CDH18: variants seen among roughly 807,000 people sequenced by gnomAD.
The protein encoded by CDH18 is cadherin-18.
CDH18 carries 31 observed loss-of-function variants against 67.9 expected under a neutral mutation model. The ratio of observed to expected loss-of-function variants is 0.46; its 90% CI spans 0.34 to 0.62. The LOEUF (loss-of-function observed/expected upper bound fraction) is 0.62. CDH18 is among the 20% of genes least tolerant of loss of function. The pLI, the probability that CDH18 is intolerant of heterozygous loss-of-function variation, is 0.01. For synonymous variants in CDH18, 362 were observed against 347.2 expected (o/e 1.04, Z -0.48); for missense variants, 890 against 975.5 (o/e 0.91, Z 1.17).
At chr5:20,177,154 G>A (rs918256519) in intron 2 of CDH18, among the ~76,000 whole-genome samples, 3 of 152,076 alleles carry the variant, frequency 2.0e-5, no homozygotes, top group African/African-American at 7.2e-5. Flanking sequence ...AATTTAACAT[G>A]AGGTTGTTTT....
intron 2 of CDH18, among the ~76,000 whole-genome samples, chr5:19,920,006 T>C (rs1354931109): frequency 1.3e-5 from 2 of 152,154 alleles, no homozygotes; most frequent in Non-Finnish European, 2.9e-5. Context: ...GCCTAATAAA[T>C]TGCAAAATCT....
chr5:20,492,024 T>G (rs2126390606), intron 1 of CDH18, among the ~76,000 whole-genome samples: 1 of 152,274 alleles, frequency 6.6e-6, no homozygotes, highest in Admixed American at 6.5e-5. Flanking sequence ...ATTATTTTCA[T>G]CTTACTTACA....
chr5:20,285,450 G>A (rs927856672), intron 1 of CDH18, among the ~76,000 whole-genome samples: 7 of 147,190 alleles, frequency 4.8e-5, no homozygotes, highest in African/African-American at 1.7e-4. Flanking sequence ...TAATAATAAG[G>A]CCATATAATA....
rs184788572 is a variant in CDH18 at position 20,047,775 on chromosome 5, C to A, written c.-517-55761G>T. Among the ~76,000 whole-genome samples, 404 of 151,790 alleles carry A rather than the reference C, an allele frequency of 2.7e-3. 1 individual carries two copies. Among genetic ancestry groups the A allele is most frequent in the African/African-American group, 9.2e-3 (383 of 41,510 alleles). Reference sequence around the variant, plus strand: ...GTGAAAAGTCCTGTTTCCACGTATACTTCTAATTGGATTTAAACTGCTTCC... The same window carrying A: ...GTGAAAAGTCCTGTTTCCACGTATAATTCTAATTGGATTTAAACTGCTTCC... On this transcript the variant is annotated intron_variant, in intron 2 of 14. Transcript: ENST00000507958.
intron 3 of CDH18, among the ~76,000 whole-genome samples, chr5:19,824,248 G>A (rs1451508338): frequency 1.3e-5 from 2 of 152,136 alleles, no homozygotes; most frequent in Non-Finnish European, 2.9e-5. Flanking sequence ...ACAGGCTAGT[G>A]AATACTGACC....
At chr5:19,817,110 T>C (rs977632636) in intron 3 of CDH18, among the ~76,000 whole-genome samples, 1 of 151,844 alleles carries the variant, frequency 6.6e-6, no homozygotes, top group Non-Finnish European at 1.5e-5. Flanking sequence ...CTCCTCAAAA[T>C]TGGAAAACAT....
intron 7 of CDH18, among the ~76,000 whole-genome samples, chr5:19,573,074 C>T (rs1331603549): frequency 6.6e-6 from 1 of 151,784 alleles, no homozygotes; most frequent in African/African-American, 2.4e-5. Context: ...TACCAGTTTC[C>T]AAAAAAATAT....
chr5:20,217,654 G>A (rs1209251718), intron 2 of CDH18, among the ~76,000 whole-genome samples: 2 of 151,500 alleles, frequency 1.3e-5, no homozygotes, highest in Admixed American at 6.6e-5. Context: ...CAAAATGGCA[G>A]GAGTAAGTCT....
chr5:20,279,101 TACAGAGTGGCAGAA>T (rs1746026431), intron 1 of CDH18, among the ~76,000 whole-genome samples: 1 of 151,884 alleles, frequency 6.6e-6, no homozygotes, highest in African/African-American at 2.4e-5. Context: ...AATCAAAAGA[TACAGAGTGGCAGAA>T]TGGATAAGAA....
chr5:20,562,303 T>G (rs907123591), intron 1 of CDH18, among the ~76,000 whole-genome samples: 3 of 151,782 alleles, frequency 2.0e-5, no homozygotes. Flanking sequence ...ATGAGTTTGG[T>G]ACTATACACA....
At position 20,077,100 on chromosome 5, in the gene CDH18, C is replaced by T. The variant is rs1019850931; in HGVS notation, c.-517-85086G>A. On this transcript the variant is annotated intron_variant, in intron 2 of 14. Coordinates refer to the CDH18 transcript ENST00000507958. The stretch of plus-strand genomic sequence containing the variant: ...ATGTTGACATTCATCTCTCTTGTAA[C>T]CCCTACTCCAAGAAAATTGGGTTAC... 5.7e-4 allele frequency among the ~76,000 whole-genome samples: 87 copies of T among 152,022 alleles called. 2 individuals carry two copies. The highest frequency in any genetic ancestry group is 3.0e-3 in the Admixed American group (46 of 15,260).
chr5:20,242,786 C>A (rs1223834175), intron 2 of CDH18, among the ~76,000 whole-genome samples: 1 of 151,206 alleles, frequency 6.6e-6, no homozygotes, highest in Non-Finnish European at 1.5e-5. Context: ...GCGTAGACAG[C>A]AAAACATGAT....
At chr5:19,979,878 A>G (rs963893664) in intron 2 of CDH18, among the ~76,000 whole-genome samples, 2 of 152,186 alleles carry the variant, frequency 1.3e-5, no homozygotes, top group African/African-American at 2.4e-5. Flanking sequence ...AGTTGAAAGC[A>G]TTCCCTCTGA....
chr5:20,171,586 T>C (rs1447293036), intron 2 of CDH18, among the ~76,000 whole-genome samples: 1 of 152,106 alleles, frequency 6.6e-6, no homozygotes. Context: ...CTTGTAAATT[T>C]GTTTAAGTCT....
intron 2 of CDH18, among the ~76,000 whole-genome samples, chr5:20,243,823 C>T (rs1421854211): frequency 6.6e-6 from 1 of 152,008 alleles, no homozygotes; most frequent in Non-Finnish European, 1.5e-5. Context: ...AATGGAAAGG[C>T]ACTAGCTCAA....
chr5:20,364,491 A>T (rs1175240972), intron 1 of CDH18, among the ~76,000 whole-genome samples: 1 of 152,142 alleles, frequency 6.6e-6, no homozygotes, highest in Non-Finnish European at 1.5e-5. Flanking sequence ...AACAGAGAAG[A>T]GTGTTGTTTT....
intron 2 of CDH18, among the ~76,000 whole-genome samples, chr5:20,014,641 T>C (rs189426957): frequency 6.6e-6 from 1 of 152,258 alleles, no homozygotes; most frequent in Admixed American, 6.5e-5. Context: ...AATCCAGTCA[T>C]CTTCTTAGAA....
At chr5:19,921,405 C>A (rs1296327031) in intron 2 of CDH18, among the ~76,000 whole-genome samples, 2 of 151,770 alleles carry the variant, frequency 1.3e-5, no homozygotes, top group Non-Finnish European at 2.9e-5. Context: ...GTGGCGGGCA[C>A]CTGTAGTCCC....
At chr5:20,262,771 A>G (rs1373196298) in intron 1 of CDH18, among the ~76,000 whole-genome samples, 1 of 151,940 alleles carries the variant, frequency 6.6e-6, no homozygotes, top group Non-Finnish European at 1.5e-5. Context: ...AATATATACA[A>G]TCGTATTTGT....
Sources: gnomAD v4.1 joint callset for allele counts (sites outside exome capture counted in the v4.1 genomes callset) on GRCh38, gnomAD v4.1.1 for gene constraint, MANE v1.5 for transcripts, NCBI Gene and HGNC (gene_info 2026-07-23, HGNC 2026-07-21) for gene names.